Variants in FRMD4B observed in about 807,000 individuals in gnomAD.
The protein encoded by FRMD4B is FERM domain containing 4B.
FRMD4B carries 74 observed loss-of-function variants against 141.5 expected under a neutral mutation model. That is an observed-to-expected ratio of 0.52 (90% CI 0.43 to 0.63). The LOEUF is 0.63. FRMD4B is among the 30% of genes least tolerant of loss of function. FRMD4B has a pLI of 0.00. For synonymous variants in FRMD4B, 506 were observed against 467.9 expected (o/e 1.08, Z -1.05); for missense variants, 1,366 against 1,253.4 (o/e 1.09, Z -1.36).
In FRMD4B at chr3:69,181,619, A is replaced by G. The variant is rs1481943218; in HGVS notation, c.2131T>C (p.Phe711Leu). 1 of 1,613,672 alleles carries G rather than the reference A, an allele frequency of 6.2e-7. No homozygotes were observed. The highest frequency in any genetic ancestry group is 1.1e-5 in the South Asian group (1 of 91,076). The change falls in exon 21 of 23, where the codon TTT becomes CTT. Residue 711 changes from phenylalanine (F) to leucine (L), a missense_variant. Transcript: ENST00000398540. The stretch of plus-strand genomic sequence containing the variant: ...CTTTGGGATTTGGAGAGGGAGAAAA[A>G]TGGCTTATCGCTGTCCATCTCGGAG... The part of the protein sequence containing the change: ...LLSEMDSDKP[F>L]FSLSKSQRSS...
intron 1 of FRMD4B, among the ~76,000 whole-genome samples, chr3:69,478,118 G>A (rs1706034128): frequency 6.6e-6 from 1 of 152,064 alleles, no homozygotes; most frequent in South Asian, 2.1e-4. Context: ...AGTCTTGCTA[G>A]CAGTCTATCA....
At chr3:69,293,002 A>G (rs755408121) in intron 4 of FRMD4B, 32 of 454,228 alleles carry the variant, frequency 7.0e-5, no homozygotes, top group Non-Finnish European at 1.3e-4. Flanking sequence ...TTTCTTGAGA[A>G]GAGAATTTGC....
At chr3:69,364,613 T>C (rs1273262959) in intron 1 of FRMD4B, among the ~76,000 whole-genome samples, 1 of 152,194 alleles carries the variant, frequency 6.6e-6, no homozygotes, top group Non-Finnish European at 1.5e-5. Context: ...ATGGCATTAA[T>C]GGGATCAGCA....
intron 1 of FRMD4B, among the ~76,000 whole-genome samples, chr3:69,451,270 AAAACAAAC>A (rs75378136): frequency 6.6e-6 from 1 of 151,760 alleles, no homozygotes; most frequent in African/African-American, 2.4e-5. Context: ...ATCCTGCACC[AAAACAAAC>A]AAACAAACAA....
At chr3:69,406,739 G>GA (rs1012604040) in intron 2 of FRMD4B, among the ~76,000 whole-genome samples, 2 of 145,266 alleles carry the variant, frequency 1.4e-5, no homozygotes, top group Non-Finnish European at 1.5e-5. Flanking sequence ...TTTTGTTTTT[G>GA]TTTTTTTTTT....
chr3:69,461,900 C>T (rs1705713756), intron 1 of FRMD4B, among the ~76,000 whole-genome samples: 1 of 152,112 alleles, frequency 6.6e-6, no homozygotes, highest in African/African-American at 2.4e-5. Context: ...AATAACATGG[C>T]ATCCTTCCTG....
intron 5 of FRMD4B, among the ~76,000 whole-genome samples, chr3:69,274,934 G>T (rs942148227): frequency 2.0e-5 from 3 of 152,148 alleles, no homozygotes; most frequent in African/African-American, 7.2e-5. Flanking sequence ...GCCTCACTGT[G>T]CTAGTTTATA....
intron 19 of FRMD4B, among the ~76,000 whole-genome samples, chr3:69,183,635 A>G (rs1251831856): frequency 6.6e-6 from 1 of 151,410 alleles, no homozygotes; most frequent in East Asian, 1.9e-4. Flanking sequence ...GGCGCCCACC[A>G]CCACGCCTGG....
At chr3:69,344,682 TC>T (rs1245590253) in intron 1 of FRMD4B, among the ~76,000 whole-genome samples, 4 of 152,168 alleles carry the variant, frequency 2.6e-5, no homozygotes, top group Non-Finnish European at 5.9e-5. Flanking sequence ...ATAAAGTTTC[TC>T]CTTTATAGAC....
chr3:69,504,707 C>T (rs934361156), intron 1 of FRMD4B, among the ~76,000 whole-genome samples: 1 of 152,092 alleles, frequency 6.6e-6, no homozygotes, highest in Non-Finnish European at 1.5e-5. Context: ...ATCCATTCAT[C>T]AGTAATGGAT....
chr3:69,408,459 A>G (rs932262879), intron 2 of FRMD4B, among the ~76,000 whole-genome samples: 1 of 152,200 alleles, frequency 6.6e-6, no homozygotes, highest in Non-Finnish European at 1.5e-5. Context: ...CCTTGTTGAA[A>G]AGTAAAGCCG....
chr3:69,293,030 CT>C, intron 4 of FRMD4B: 1 of 454,084 alleles, frequency 2.2e-6, no homozygotes, highest in Non-Finnish European at 4.4e-6. Flanking sequence ...GGTTTTGTCA[CT>C]GTTATTTGGG....
intron 10 of FRMD4B, among the ~76,000 whole-genome samples, chr3:69,217,670 G>A (rs11128120): frequency 0.67 from 102,474 of 151,968 alleles, 36,499 homozygotes; most frequent in Non-Finnish European, 0.78. Context: ...TTTAGCACAG[G>A]TATTCTCATT....
In FRMD4B at chr3:69,311,871, T is replaced by C. The variant is rs181322353; in HGVS notation, c.229-514A>G. ...TTTATTATGCTGAACTTATATCCCATTGTCATTTAATCCTTATAATGAGCT... is the reference window on the plus strand; with the variant it reads ...TTTATTATGCTGAACTTATATCCCACTGTCATTTAATCCTTATAATGAGCT... On this transcript the variant is annotated intron_variant, in intron 2 of 22. Coordinates refer to ENST00000398540, the MANE Select transcript of FRMD4B (RefSeq NM_015123.3). Among the ~76,000 whole-genome samples the C allele has an allele frequency of 2.4e-4, 36 of 152,258 alleles. 1 individual carries two copies. In the East Asian group the frequency reaches 6.6e-3, roughly 28 times the overall value.
At chr3:69,460,179 G>T (rs781402217) in intron 1 of FRMD4B, among the ~76,000 whole-genome samples, 14 of 152,100 alleles carry the variant, frequency 9.2e-5, no homozygotes, top group Non-Finnish European at 1.9e-4. Flanking sequence ...TACTCAGATG[G>T]TGCCCGTGAT....
chr3:69,365,056 A>G (rs1254435165), intron 1 of FRMD4B, among the ~76,000 whole-genome samples: 3 of 152,236 alleles, frequency 2.0e-5, no homozygotes, highest in Non-Finnish European at 4.4e-5. Context: ...CCATTTCTAA[A>G]GCTTAAGATT....
In FRMD4B at chr3:69,484,704, G is replaced by A. The variant is rs185801935; in HGVS notation, c.-128-51943C>T. Among the ~76,000 whole-genome samples the A allele has an allele frequency of 3.3e-5, 5 of 151,954 alleles. No individual in the cohort carries two copies. In the East Asian group the frequency reaches 9.8e-4, roughly 30 times the overall value. On this transcript the variant is annotated intron_variant, in intron 1 of 5. Coordinates refer to the FRMD4B transcript ENST00000459638. The stretch of plus-strand genomic sequence containing the variant: ...AGAGGATAGCTCCTCTCTGCTGCTG[G>A]TTGTCCAGTCATCTCCAGTTATCAG...
At chr3:69,314,138 CAAAAAAAAAAAAAAAAAA>C (rs57956106) in intron 1 of FRMD4B, among the ~76,000 whole-genome samples, 73 of 13,166 alleles carry the variant, frequency 5.5e-3, no homozygotes, top group African/African-American at 6.4e-3. Flanking sequence ...GACTCCGTCT[CAAAAAAAAAAAAAAAAAA>C]AAAAAAAAAA....
intron 5 of FRMD4B, among the ~76,000 whole-genome samples, chr3:69,267,591 GTGTGTATA>G (rs1461752799): frequency 2.9e-4 from 28 of 98,120 alleles, no homozygotes; most frequent in African/African-American, 1.2e-3. Context: ...GTGTGTGTGT[GTGTGTATA>G]TATATATATA....
Sources: allele counts gnomAD v4.1 joint callset (sites outside exome capture counted in the v4.1 genomes callset), GRCh38; gene constraint gnomAD v4.1.1; transcripts MANE v1.5; gene names NCBI Gene and HGNC (gene_info 2026-07-23, HGNC 2026-07-21).